The following NSMCE2 variants were observed in gnomAD, a reference collection of about 807,000 sequenced individuals.
NSMCE2 encodes E3 SUMO-protein ligase NSE2.
A neutral mutation model predicts 23.8 loss-of-function variants in NSMCE2; 24 were observed. The observed-to-expected ratio is 1.01, with a 90% CI of 0.73 to 1.42. The LOEUF is 1.42. Among genes scored for constraint, NSMCE2 ranks in the 40% most tolerant of loss-of-function variants. The pLI is 0.00. For synonymous variants in NSMCE2, 92 were observed against 94.1 expected (o/e 0.98, Z 0.13); for missense variants, 284 against 296.5 (o/e 0.96, Z 0.31).
At chr8:125,198,204 G>A (rs1352906977) in intron 5 of NSMCE2, among the ~76,000 whole-genome samples, 2 of 152,078 alleles carry the variant, frequency 1.3e-5, no homozygotes, top group Non-Finnish European at 2.9e-5. Flanking sequence ...GATTGCCCTG[G>A]CCAGAACTTC....
At chr8:125,103,662 T>A (rs2130370893) in intron 3 of NSMCE2, among the ~76,000 whole-genome samples, 1 of 152,342 alleles carries the variant, frequency 6.6e-6, no homozygotes, top group South Asian at 2.1e-4. Context: ...ACTTGATAGA[T>A]TTTTTCCAGT....
intron 5 of NSMCE2, among the ~76,000 whole-genome samples, chr8:125,353,206 G>A (rs1813111443): frequency 6.6e-6 from 1 of 152,150 alleles, no homozygotes; most frequent in Admixed American, 6.5e-5. Flanking sequence ...GAATTCTCTG[G>A]CACAACGTAT....
intron 2 of NSMCE2, 75 bp from the exon 3 acceptor site, chr8:125,102,242 C>T: frequency 1.1e-6 from 1 of 929,924 alleles, no homozygotes; most frequent in Non-Finnish European, 1.7e-6. Flanking sequence ...ATGTTTACAG[C>T]AGTTTTATTA....
intron 5 of NSMCE2, among the ~76,000 whole-genome samples, chr8:125,322,194 G>A (rs1017067011): frequency 2.6e-5 from 4 of 151,888 alleles, no homozygotes; most frequent in South Asian, 2.1e-4. Flanking sequence ...TAGCAAGACC[G>A]TGTCTCTACA....
intron 4 of NSMCE2, among the ~76,000 whole-genome samples, chr8:125,181,846 TTAG>T (rs1822832665): frequency 6.6e-6 from 1 of 152,056 alleles, no homozygotes. Context: ...AGACAACAAG[TTAG>T]TAGGATCATT....
At chr8:125,159,247 G>A (rs1248140231) in intron 4 of NSMCE2, among the ~76,000 whole-genome samples, 11 of 152,078 alleles carry the variant, frequency 7.2e-5, no homozygotes, top group Admixed American at 5.9e-4. Flanking sequence ...TAAATTAAAC[G>A]TTATTGTAGG....
At chr8:125,188,809 G>A (rs1208695768) in intron 5 of NSMCE2, among the ~76,000 whole-genome samples, 1 of 152,190 alleles carries the variant, frequency 6.6e-6, no homozygotes, top group Admixed American at 6.5e-5. Flanking sequence ...AACCTGTTGG[G>A]TTCTATTGAA....
chr8:125,270,924 T>C (rs1827154600), intron 5 of NSMCE2: 2 of 152,008 alleles, frequency 1.3e-5, no homozygotes, highest in South Asian at 2.1e-4. Flanking sequence ...AAAAAAAGAA[T>C]AAATGTAAGT....
intron 5 of NSMCE2, among the ~76,000 whole-genome samples, chr8:125,282,544 G>C (rs143603523): frequency 1.3e-5 from 2 of 152,314 alleles, no homozygotes; most frequent in Admixed American, 6.5e-5. Context: ...TTACTCCTTC[G>C]ATTTAAGAGT....
intron 7 of NSMCE2, among the ~76,000 whole-genome samples, 186 bp downstream of exon 7, chr8:125,358,004 C>T (rs1176688315): frequency 6.6e-6 from 1 of 152,136 alleles, no homozygotes; most frequent in Non-Finnish European, 1.5e-5. Context: ...GTAATCTGTT[C>T]AGGAAGAAGC....
rs75066603 is a variant in NSMCE2, at chr8:125,310,447, T to G, written c.419-46772T>G. Among the ~76,000 whole-genome samples, 968 of 152,352 alleles carry G rather than the reference T, an allele frequency of 6.4e-3. 4 individuals carry two copies. The highest frequency in any genetic ancestry group is 0.022 in the African/African-American group (905 of 41,582). Reference sequence around the variant, plus strand: ...ACCATATGATGAGTGCCCAATCAATTGTAGCTATTGCAATTATGTAAAAGA... The same window carrying G: ...ACCATATGATGAGTGCCCAATCAATGGTAGCTATTGCAATTATGTAAAAGA... On this transcript the variant is annotated intron_variant, in intron 5 of 7. Transcript: ENST00000287437.
intron 5 of NSMCE2, among the ~76,000 whole-genome samples, chr8:125,247,052 G>C (rs1359820943): frequency 6.6e-6 from 1 of 151,572 alleles, no homozygotes; most frequent in Non-Finnish European, 1.5e-5. Flanking sequence ...AAGAGGCCTG[G>C]CATGGTGACT....
At chr8:125,119,622 T>A (rs1313918104) in intron 3 of NSMCE2, among the ~76,000 whole-genome samples, 1 of 152,170 alleles carries the variant, frequency 6.6e-6, no homozygotes, top group Non-Finnish European at 1.5e-5. Flanking sequence ...TGAGACTAGT[T>A]TAATGCTAAG....
At chr8:125,200,559 G>A (rs1823824959) in intron 5 of NSMCE2, among the ~76,000 whole-genome samples, 1 of 150,356 alleles carries the variant, frequency 6.7e-6, no homozygotes, top group Admixed American at 6.6e-5. Context: ...AGTCTGATGG[G>A]CTTCCCTTTG....
chr8:125,229,887 C>T (rs1825250734), intron 5 of NSMCE2, among the ~76,000 whole-genome samples: 1 of 151,978 alleles, frequency 6.6e-6, no homozygotes, highest in Admixed American at 6.5e-5. Context: ...GGAAGAAATA[C>T]TTAGGATTGT....
chr8:125,159,321 C>T (rs1031416746), intron 4 of NSMCE2, among the ~76,000 whole-genome samples: 8 of 152,124 alleles, frequency 5.3e-5, no homozygotes, highest in African/African-American at 1.2e-4. Flanking sequence ...TTTCAGTTAA[C>T]GAGGGGCCAT....
intron 5 of NSMCE2, among the ~76,000 whole-genome samples, chr8:125,313,100 T>TG (rs1829033229): frequency 1.2e-5 from 1 of 83,658 alleles, no homozygotes; most frequent in Admixed American, 1.6e-4. Flanking sequence ...GAACTTAAAG[T>TG]GGAAAAAAAA....
At chr8:125,195,781 C>T (rs1475975058) in intron 5 of NSMCE2, among the ~76,000 whole-genome samples, 1 of 151,130 alleles carries the variant, frequency 6.6e-6, no homozygotes, top group African/African-American at 2.4e-5. Flanking sequence ...TAGTCTTAAT[C>T]ATGATATTTG....
intron 5 of NSMCE2, among the ~76,000 whole-genome samples, chr8:125,267,189 G>A (rs753116967): frequency 2.0e-5 from 3 of 151,734 alleles, no homozygotes; most frequent in Non-Finnish European, 2.9e-5. Flanking sequence ...TGTATTTTTA[G>A]TAGAGACAGG....
Sources: gnomAD v4.1 joint callset for allele counts (sites outside exome capture counted in the v4.1 genomes callset) on GRCh38, gnomAD v4.1.1 for gene constraint, MANE v1.5 for transcripts, NCBI Gene and HGNC (gene_info 2026-07-23, HGNC 2026-07-21) for gene names.